Variants in SLC75A1 observed in about 807,000 individuals in gnomAD.
The protein encoded by SLC75A1 is major facilitator superfamily domain containing 10.
the SLC75A1 span, chr4:2,932,979 A>T: frequency 2.9e-6 from 3 of 1,042,766 alleles, no homozygotes; most frequent in Non-Finnish European, 1.4e-6. Context: ...CCCCTCCAGG[A>T]TGCGATGAGG....
the SLC75A1 span, chr4:2,933,111 A>G: frequency 6.2e-7 from 1 of 1,613,434 alleles, no homozygotes; most frequent in Non-Finnish European, 8.5e-7. Flanking sequence ...CATACCAGGC[A>G]CAGCAGCATC....
chr4:2,931,464 G>A, the SLC75A1 span: 2 of 1,574,100 alleles, frequency 1.3e-6, no homozygotes, highest in African/African-American at 2.7e-5. Flanking sequence ...CAGCAGGAGG[G>A]CCTGCAGGTG....
chr4:2,930,940 G>A, the SLC75A1 span: 40 of 1,612,892 alleles, frequency 2.5e-5, no homozygotes, highest in African/African-American at 5.3e-5. Flanking sequence ...CCTGGGCCCC[G>A]GCCAGCCAGT....
chr4:2,933,197 G>C, the SLC75A1 span: 17 of 1,613,570 alleles, frequency 1.1e-5, no homozygotes, highest in African/African-American at 2.7e-5. Context: ...AGAGAATGCC[G>C]AGCCAATGAG....
the SLC75A1 span, chr4:2,932,580 G>A: frequency 6.2e-7 from 1 of 1,612,732 alleles, no homozygotes; most frequent in Non-Finnish European, 8.5e-7. Context: ...GGACCCCAAA[G>A]GCCCAGCCTG....
chr4:2,933,033 C>T, the SLC75A1 span: 1 of 1,452,150 alleles, frequency 6.9e-7, no homozygotes, highest in Admixed American at 1.8e-5. Flanking sequence ...CTCCCTCTCC[C>T]CACCTAACCC....
At chr4:2,933,461 G>A in the SLC75A1 span, 5 of 1,239,936 alleles carry the variant, frequency 4.0e-6, no homozygotes, top group Admixed American at 3.6e-5. Context: ...GCCAGCCCAG[G>A]GAGTGGGAAG....
chr4:2,931,106 G>C, the SLC75A1 span: 1 of 1,590,662 alleles, frequency 6.3e-7, no homozygotes, highest in Non-Finnish European at 8.6e-7. Context: ...AGAGCACCTA[G>C]GCTGCGCAGT....
At chr4:2,931,129 G>T in the SLC75A1 span, 2 of 1,574,568 alleles carry the variant, frequency 1.3e-6, no homozygotes, top group Non-Finnish European at 1.7e-6. Flanking sequence ...ACCCATGACC[G>T]TGCCCTTCTG....
the SLC75A1 span, chr4:2,932,128 C>T: frequency 3.7e-6 from 6 of 1,609,358 alleles, no homozygotes; most frequent in African/African-American, 2.7e-5. Context: ...AGCCGCATCA[C>T]GGAACCCCAG....
the SLC75A1 span, chr4:2,930,966 G>A: frequency 1.4e-5 from 22 of 1,612,834 alleles, no homozygotes; most frequent in Middle Eastern, 1.6e-4. Context: ...GCGGAGAGAC[G>A]GTGGCGTCAC....
chr4:2,931,808 G>A, the SLC75A1 span: 326 of 1,579,304 alleles, frequency 2.1e-4, 1 homozygote, highest in Admixed American at 6.3e-4. Context: ...GCAGGCCGTC[G>A]CCAGATGGGG....
the SLC75A1 span, chr4:2,930,717 G>A: frequency 8.8e-7 from 1 of 1,139,826 alleles, no homozygotes; most frequent in East Asian, 2.6e-5. Context: ...CCTGCTTAGG[G>A]GCCGGCCCCC....
chr4:2,933,659 G>A, the SLC75A1 span: 13 of 1,613,708 alleles, frequency 8.1e-6, no homozygotes, highest in Admixed American at 6.7e-5. Flanking sequence ...GCCATAGAGG[G>A]GGTCCTAGGG....
the SLC75A1 span, chr4:2,934,775 C>G: frequency 2.0e-5 from 3 of 148,672 alleles, no homozygotes; most frequent in Non-Finnish European, 4.5e-5. Context: ...GCACCTGCCG[C>G]GGCTGCGCGC....
the SLC75A1 span, chr4:2,933,345 A>G: frequency 1.0e-6 from 1 of 997,058 alleles, no homozygotes; most frequent in Non-Finnish European, 1.5e-6. Flanking sequence ...ATGGCCCTTG[A>G]GCCGAGGGGG....
chr4:2,932,457 G>A, the SLC75A1 span: 5 of 1,613,628 alleles, frequency 3.1e-6, no homozygotes, highest in Non-Finnish European at 3.4e-6. Context: ...GGGCAGGGAG[G>A]CTCCGAGCAT....
At chr4:2,931,958 T>C in the SLC75A1 span, 2 of 1,602,916 alleles carry the variant, frequency 1.2e-6, no homozygotes, top group Non-Finnish European at 1.7e-6. Context: ...TGGCGCGTGC[T>C]GAGAAGGCGA....
the SLC75A1 span, chr4:2,930,632 G>T: frequency 3.3e-6 from 2 of 598,894 alleles, no homozygotes; most frequent in Non-Finnish European, 5.9e-6. Context: ...ACAAACAGAA[G>T]CCCTGACAGC....
Sources: gnomAD v4.1 joint callset for allele counts on GRCh38, gnomAD v4.1.1 for gene constraint, MANE v1.5 for transcripts, NCBI Gene and HGNC (gene_info 2026-07-23, HGNC 2026-07-21) for gene names.